The following KL variants were observed in gnomAD, a reference collection of about 807,000 sequenced individuals.
KL encodes the protein alpha-klotho.
In KL, 62 loss-of-function variants were observed where a neutral mutation model predicts 84.2. The observed-to-expected ratio is 0.74, with a 90% CI of 0.60 to 0.91. The LOEUF is 0.91. Among genes scored for constraint, KL ranks in the 40% least tolerant of loss-of-function variants. The pLI, the probability that KL is intolerant of heterozygous loss-of-function variation, is 0.00. For missense variants in KL, 1,261 were observed against 1,305.7 expected, an observed-to-expected ratio of 0.97 and a Z score of 0.53; for synonymous variants, 528 against 528.0, an observed-to-expected ratio of 1.00 and a Z score of 0.00.
At chr13:33,056,736 G>A (rs557018528) in intron 3 of KL, among the ~76,000 whole-genome samples, 1 of 152,206 alleles carries the variant, frequency 6.6e-6, no homozygotes, top group South Asian at 2.1e-4. Context: ...AACCCAGGAG[G>A]CGGAGCTTGC....
chr13:33,056,675 G>T (rs1044075371), intron 3 of KL, among the ~76,000 whole-genome samples: 1 of 151,896 alleles, frequency 6.6e-6, no homozygotes, highest in East Asian at 1.9e-4. Context: ...GTGTGGTGGC[G>T]GGCACCTGTA....
intron 1 of KL, among the ~76,000 whole-genome samples, chr13:33,045,267 C>A (rs1871483354): frequency 6.6e-6 from 1 of 152,050 alleles, no homozygotes; most frequent in African/African-American, 2.4e-5. Flanking sequence ...TTAGGATTTT[C>A]CATATGTAGA....
chr13:33,048,402 A>G (rs1413575627), intron 1 of KL, among the ~76,000 whole-genome samples: 1 of 152,174 alleles, frequency 6.6e-6, no homozygotes, highest in African/African-American at 2.4e-5. Flanking sequence ...TGAAGTGCTC[A>G]GCTGCATTTT....
intron 1 of KL, among the ~76,000 whole-genome samples, chr13:33,053,256 T>C (rs1157397011): frequency 1.3e-5 from 2 of 152,186 alleles, no homozygotes; most frequent in Non-Finnish European, 2.9e-5. Flanking sequence ...AGAAGATTGC[T>C]TGTTAGAATT....
intron 1 of KL, among the ~76,000 whole-genome samples, chr13:33,048,259 T>A (rs898874967): frequency 6.6e-6 from 1 of 152,234 alleles, no homozygotes; most frequent in Non-Finnish European, 1.5e-5. Flanking sequence ...TTAAAGGGTG[T>A]TGTATTTAGT....
intron 1 of KL, among the ~76,000 whole-genome samples, chr13:33,043,135 A>G (rs1253096436): frequency 1.3e-5 from 2 of 152,170 alleles, no homozygotes. Context: ...AAACTGTCAA[A>G]TAGTTTTCCA....
intron 1 of KL, among the ~76,000 whole-genome samples, chr13:33,024,622 A>G (rs1170343059): frequency 6.6e-6 from 1 of 152,196 alleles, no homozygotes; most frequent in East Asian, 1.9e-4. Flanking sequence ...GGATGGGGGC[A>G]TGGGAGGCAA....
Position 33,016,521 on chromosome 13 carries a change from C to T in KL, c.81C>T (p.Gly27=), listed in dbSNP as rs764622172. Residue 27 remains glycine (G), a synonymous_variant, in exon 1 of 5, where the codon GGC becomes GGT. Coordinates refer to ENST00000380099, the MANE Select transcript of KL (RefSeq NM_004795.4). ...LSLLLVLLGL[G]GRRLRAEPGD... ...TGCTGCTGGTGCTGCTGGGCCTGGG[C>T]GGCCGCCGCCTGCGTGCGGAGCCGG... 9 of 1,332,780 alleles carry T rather than the reference C, an allele frequency of 6.8e-6. No individual in the cohort carries two copies. The South Asian group carries it at 1.2e-4, about 18-fold the overall frequency. 82.6% of individuals were successfully genotyped at this position (1,332,780 alleles called of 1,614,324 possible).
intron 1 of KL, among the ~76,000 whole-genome samples, chr13:33,049,636 A>G (rs571832079): frequency 6.6e-6 from 1 of 152,298 alleles, no homozygotes; most frequent in Admixed American, 6.5e-5. Flanking sequence ...CCTCCAAAGC[A>G]TGGAAGGCTA....
chr13:33,053,779 G>A lies in KL; in HGVS notation c.832G>A (p.Val278Ile). Reference sequence around the variant, plus strand: ...TTTCTCTTCATAGGCTCATGCCAAAGTCTGGCATCTCTACAATACTTCTTT... The same window carrying A: ...TTTCTCTTCATAGGCTCATGCCAAAATCTGGCATCTCTACAATACTTCTTT... The part of the protein sequence containing the change: ...AHNLLLAHAK[V>I]WHLYNTSFRP... Residue 278 changes from valine to isoleucine, a missense_variant, in exon 2 of 5, where the codon GTC becomes ATC. Coordinates refer to ENST00000380099, the MANE Select transcript of KL (RefSeq NM_004795.4). The A allele has an allele frequency of 1.9e-6, 3 of 1,614,126 alleles. No homozygotes were observed. Among genetic ancestry groups the A allele is most frequent in the Non-Finnish European group, 2.5e-6 (3 of 1,180,000 alleles).
At chr13:33,028,746 A>G (rs1435183190) in intron 1 of KL, among the ~76,000 whole-genome samples, 1 of 152,256 alleles carries the variant, frequency 6.6e-6, no homozygotes, top group Non-Finnish European at 1.5e-5. Flanking sequence ...AAAGAAAACA[A>G]AAATAAGAAG....
At chr13:33,060,359 A>G (rs997966099) in intron 3 of KL, among the ~76,000 whole-genome samples, 2 of 152,118 alleles carry the variant, frequency 1.3e-5, no homozygotes, top group African/African-American at 2.4e-5. Context: ...ACCCAAAAAT[A>G]CTCTGCTTAC....
chr13:33,029,014 A>T (rs1029821375), intron 1 of KL, among the ~76,000 whole-genome samples: 1 of 152,096 alleles, frequency 6.6e-6, no homozygotes, highest in African/African-American at 2.4e-5. Context: ...AACTGGGGGA[A>T]TTGTAGGGCA....
intron 4 of KL, 122 bp downstream of exon 4, chr13:33,061,902 G>A: frequency 1.9e-6 from 2 of 1,032,534 alleles, no homozygotes; most frequent in South Asian, 2.6e-5. Flanking sequence ...TCCATTTTGT[G>A]CCTCACTGAA....
chr13:33,016,866 C>G lies in KL; in HGVS notation c.426C>G (p.Leu142=), dbSNP rs771447026. ...VFRDTEALRE[L]GVTHYRFSIS... is the part of the protein sequence containing the mutation. Reference sequence around the variant, plus strand: ...GCGACACGGAGGCGCTGCGCGAGCTCGGGGTCACTCACTACCGCTTCTCCA... The same window carrying G: ...GCGACACGGAGGCGCTGCGCGAGCTGGGGGTCACTCACTACCGCTTCTCCA... Residue 142 remains leucine, a synonymous_variant, in exon 1 of 5, where the codon CTC becomes CTG. Coordinates refer to ENST00000380099, the MANE Select transcript of KL (RefSeq NM_004795.4). The G allele has an allele frequency of 1.5e-5, 24 of 1,612,744 alleles. No homozygotes were observed. The East Asian group carries it at 5.4e-4, about 36-fold the overall frequency.
intron 3 of KL, among the ~76,000 whole-genome samples, chr13:33,056,765 C>G (rs1871976809): frequency 6.6e-6 from 1 of 152,068 alleles, no homozygotes; most frequent in Admixed American, 6.6e-5. Flanking sequence ...GAGATTGCGC[C>G]ACTGCACTCC....
chr13:33,053,461 T>C (rs1871826802), intron 1 of KL, among the ~76,000 whole-genome samples: 1 of 152,234 alleles, frequency 6.6e-6, no homozygotes, highest in Admixed American at 6.5e-5. Flanking sequence ...AATAGTAAGC[T>C]ATTATAACAA....
chr13:33,024,927 T>C (rs1280807838), intron 1 of KL, among the ~76,000 whole-genome samples: 1 of 152,140 alleles, frequency 6.6e-6, no homozygotes, highest in Non-Finnish European at 1.5e-5. Flanking sequence ...GGTATACTGC[T>C]TGGGCTGCAC....
rs9527029 is a variant in KL, at chr13:33,055,520, C to T, written c.1599+205C>T. ...AATCTTCATCTTGTTTAAGTTAGAT[C>T]CAAAGATAAATAAATTTAAAGCATA... is the stretch of plus-strand genomic sequence containing the variant. On this transcript the variant is annotated intron_variant, in intron 3 of 4. Coordinates refer to ENST00000380099, the MANE Select transcript of KL (RefSeq NM_004795.4). Among the ~76,000 whole-genome samples the T allele has an allele frequency of 0.061, 9,315 of 152,240 alleles. 318 individuals are homozygous for T. Among genetic ancestry groups the T allele is most frequent in the Non-Finnish European group, 0.082 (5,555 of 68,028 alleles).
Sources: allele counts gnomAD v4.1 joint callset (sites outside exome capture counted in the v4.1 genomes callset), GRCh38; gene constraint gnomAD v4.1.1; transcripts MANE v1.5; gene names NCBI Gene and HGNC (gene_info 2026-07-23, HGNC 2026-07-21).